Variants in FBLN1 observed in about 807,000 individuals in gnomAD.
The protein encoded by FBLN1 is fibulin 1, also known as fibulin-1.
Under a neutral mutation model 89.7 loss-of-function variants are expected in FBLN1, and 34 were observed. The observed-to-expected ratio is 0.38, with a 90% CI of 0.29 to 0.50. The LOEUF (loss-of-function observed/expected upper bound fraction) is 0.50, where lower values mean the gene tolerates loss of function less well. Ranked by LOEUF, FBLN1 falls within the 20% of genes least tolerant of loss-of-function variation. The pLI is 0.92. For missense variants in FBLN1, 777 were observed against 988.1 expected (o/e 0.79, Z 2.86); for synonymous variants, 393 against 391.3 (o/e 1.00, Z -0.05).
Position 45,533,174 on chromosome 22 carries a change from C to G in FBLN1, c.646+10C>G, listed in dbSNP as rs1225247040. 1.9e-6 allele frequency: 3 copies of G among 1,611,776 alleles called. No individual in the cohort carries two copies. On this transcript the variant is annotated intron_variant, in intron 6 of 16. Transcript: ENST00000327858. ...GGTGTCTCCTGTGAAGGTAATGTCC[C>G]TATCCCAGGTGCCAGCAGGACTGGC... is the stretch of plus-strand genomic sequence containing the variant.
chr22:45,567,721 G>GA (rs1352664496), intron 14 of FBLN1, among the ~76,000 whole-genome samples: 2 of 151,754 alleles, frequency 1.3e-5, no homozygotes, highest in Non-Finnish European at 1.5e-5. Context: ...AACTAGATAG[G>GA]AAAAAAAATG....
chr22:45,525,213 AAGAG>A (rs1280919638), intron 2 of FBLN1, among the ~76,000 whole-genome samples: 1 of 147,044 alleles, frequency 6.8e-6, no homozygotes, highest in Non-Finnish European at 1.5e-5. Context: ...GAAAGAAAGA[AAGAG>A]AGAAAAAGAA....
intron 1 of FBLN1, among the ~76,000 whole-genome samples, chr22:45,516,293 G>A (rs552942512): frequency 6.6e-6 from 1 of 151,648 alleles, no homozygotes; most frequent in South Asian, 2.1e-4. Context: ...AAGGGTGAAG[G>A]GGGTAGGGGG....
chr22:45,522,645 G>A (rs1049451656), intron 2 of FBLN1, among the ~76,000 whole-genome samples: 2 of 152,208 alleles, frequency 1.3e-5, no homozygotes, highest in Admixed American at 1.3e-4. Flanking sequence ...CAGCTTTGAT[G>A]TTTTCCCATC....
At chr22:45,570,541 C>A (rs1264227610) in intron 14 of FBLN1, among the ~76,000 whole-genome samples, 1 of 151,498 alleles carries the variant, frequency 6.6e-6, no homozygotes, top group Non-Finnish European at 1.5e-5. Flanking sequence ...TTGAAAAGAA[C>A]AACAAGTTTT....
Position 45,589,408 on chromosome 22 carries a change from G to A in FBLN1, c.1973-10899G>A, listed in dbSNP as rs372708883. On this transcript the variant is annotated intron_variant, in intron 16 of 16. Coordinates refer to ENST00000327858, the MANE Select transcript of FBLN1 (RefSeq NM_006486.3). Reference sequence around the variant, plus strand: ...TCTGCATCCTGACAACATGGAGCACGGTCCATAGCGTAGGTGTATCGTAAA... The same window carrying A: ...TCTGCATCCTGACAACATGGAGCACAGTCCATAGCGTAGGTGTATCGTAAA... Among the ~76,000 whole-genome samples, 4 of 152,258 alleles carry A rather than the reference G, an allele frequency of 2.6e-5. No homozygotes were observed. The East Asian group carries it at 5.8e-4, about 22-fold the overall frequency.
Position 45,575,513 on chromosome 22 carries a change from G to A in FBLN1, c.1840+860G>A, listed in dbSNP as rs2088989569. ...GGCCTTCAACCCCCAGGCTTTGGGG[G>A]AACCATCGGAAGGTTGCAGTGGAGG... On this transcript the variant is annotated intron_variant, in intron 15 of 16. Transcript: ENST00000327858. The surrounding 1 kb of genome is among the most constrained non-coding windows in gnomAD (Gnocchi z 6.3). 6.6e-6 allele frequency among the ~76,000 whole-genome samples: 1 copy of A among 152,150 alleles called. No homozygotes were observed. The highest frequency in any genetic ancestry group is 1.5e-5 in the Non-Finnish European group (1 of 68,016).
In FBLN1 at chr22:45,531,407, T is replaced by C. The variant is rs1321293241; in HGVS notation, c.544+83T>C. The stretch of plus-strand genomic sequence containing the variant: ...AGGTGGCTCAGGCCTGTAATCCTAG[T>C]ACTTTGGGAAGCCAAGGCAGGAGGA... On this transcript the variant is annotated intron_variant, in intron 5 of 16. Coordinates refer to ENST00000327858, the MANE Select transcript of FBLN1 (RefSeq NM_006486.3). This position sits in a 1 kb window ranked among gnomAD's most constrained non-coding sequence, Gnocchi z 4.9. 2.4e-6 allele frequency: 3 copies of C among 1,251,578 alleles called. No homozygotes were observed. The highest frequency in any genetic ancestry group is 2.3e-6 in the Non-Finnish European group (2 of 853,442). 77.5% of individuals were successfully genotyped at this position (1,251,578 alleles called of 1,614,324 possible). A position where few individuals can be genotyped will look rare whatever the true frequency, so the allele number is the denominator to read the frequency against.
chr22:45,555,041 A>T lies in FBLN1; in HGVS notation c.1697+4426A>T. ...GTCCCCGTCTCCACCGCAGGAGGTTAGGACCCGTCCCCGTCTCCACCGCAG... is the reference window on the plus strand; with the variant it reads ...GTCCCCGTCTCCACCGCAGGAGGTTTGGACCCGTCCCCGTCTCCACCGCAG... On this transcript the variant is annotated intron_variant, in intron 14 of 16. Transcript: ENST00000327858. 1.4e-5 allele frequency among the ~76,000 whole-genome samples: 2 copies of T among 140,764 alleles called. 1 individual carries two copies. The highest frequency in any genetic ancestry group is 6.1e-5 in the African/African-American group (2 of 32,980). The allele number at this position is 140,764 out of a possible 152,430, so 92.3% of individuals were successfully genotyped here.
intron 1 of FBLN1, among the ~76,000 whole-genome samples, chr22:45,510,896 A>G (rs912176795): frequency 6.6e-6 from 1 of 152,200 alleles, no homozygotes; most frequent in Non-Finnish European, 1.5e-5. Flanking sequence ...AGGCCTGTGA[A>G]CTGAGCCAGC....
intron 16 of FBLN1, among the ~76,000 whole-genome samples, chr22:45,596,605 C>CATATATCAACATAAGAATATGATTAT (rs1569270563): frequency 6.8e-6 from 1 of 148,000 alleles, no homozygotes; most frequent in Non-Finnish European, 1.5e-5. Context: ...AATATGATTA[C>CATATATCAACATAAGAATATGATTAT]TATATACATA....
At position 45,503,078 on chromosome 22, in the gene FBLN1, G is replaced by C. The variant is rs545228163; in HGVS notation, c.79+14G>C. 590 of 1,231,462 alleles carry C rather than the reference G, an allele frequency of 4.8e-4. 3 individuals are homozygous for C. The Middle Eastern group carries it at 7.5e-3, about 16-fold the overall frequency. The allele number at this position is 1,231,462 out of a possible 1,614,324, so 76.3% of individuals were successfully genotyped here. ...TGGCGGCCGGAGGTAGGGGCGTCCC[G>C]GGTCCGCCGCCCCAGCTTAGGGTCC... On this transcript the variant is annotated intron_variant, in intron 1 of 16. Transcript: ENST00000327858.
In FBLN1 at chr22:45,531,759, G is replaced by C. The variant is rs1371670853; in HGVS notation, c.544+435G>C. 6.6e-6 allele frequency among the ~76,000 whole-genome samples: 1 copy of C among 152,184 alleles called. No individual in the cohort carries two copies. The highest frequency in any genetic ancestry group is 2.4e-5 in the African/African-American group (1 of 41,436). ...GGTGGGCTTACCAAGGAGGGGCCCT[G>C]GTGAGGCCCTGCTGGGGAGGGTGGC... On this transcript the variant is annotated intron_variant, in intron 5 of 16. Coordinates refer to ENST00000327858, the MANE Select transcript of FBLN1 (RefSeq NM_006486.3). The surrounding 1 kb of genome is among the most constrained non-coding windows in gnomAD (Gnocchi z 4.9).
chr22:45,510,759 CTG>C (rs1352941071), intron 1 of FBLN1, among the ~76,000 whole-genome samples: 1 of 152,132 alleles, frequency 6.6e-6, no homozygotes, highest in Non-Finnish European at 1.5e-5. Context: ...GCCATGTGAC[CTG>C]TGTTTCTCTG....
At chr22:45,552,065 T>C (rs1242567452) in intron 14 of FBLN1, among the ~76,000 whole-genome samples, 1 of 152,220 alleles carries the variant, frequency 6.6e-6, no homozygotes, top group Non-Finnish European at 1.5e-5. Flanking sequence ...TGTGGAAGCC[T>C]CTGCCACCCC....
Position 45,525,656 on chromosome 22 carries a change from G to C in FBLN1, c.299G>C (p.Ser100Thr), listed in dbSNP as rs1240768486. The part of the protein sequence containing the change: ...RCATPHGDNA[S>T]LEATFVKRCC... ...GCCACGCCCCACGGTGACAACGCCAGCCTGGAGGCCACATTTGTGAAGGTG... is the reference window on the plus strand; with the variant it reads ...GCCACGCCCCACGGTGACAACGCCACCCTGGAGGCCACATTTGTGAAGGTG... The change falls in exon 3 of 17, where the codon AGC becomes ACC. Residue 100 changes from serine to threonine, a missense_variant. Transcript: ENST00000327858. 3.4e-5 allele frequency: 52 copies of C among 1,551,444 alleles called. No individual in the cohort carries two copies. The highest frequency in any genetic ancestry group is 4.4e-5 in the Non-Finnish European group (51 of 1,147,024).
chr22:45,548,397 G>A (rs1330568439), intron 12 of FBLN1, among the ~76,000 whole-genome samples: 1 of 152,076 alleles, frequency 6.6e-6, no homozygotes, highest in Non-Finnish European at 1.5e-5. Flanking sequence ...CCCCCTGCCC[G>A]CCACATGCAT....
chr22:45,547,044 C>T (rs200010110), intron 11 of FBLN1, 41 bp from the exon 12 acceptor site: 464 of 1,613,424 alleles, frequency 2.9e-4, no homozygotes, highest in Non-Finnish European at 3.7e-4. Context: ...GAGGCAGGGA[C>T]GTATGATGCT....
intron 7 of FBLN1, among the ~76,000 whole-genome samples, chr22:45,534,292 C>CAAAAGAAAAAAAA (rs2088452833): frequency 1.2e-5 from 1 of 83,208 alleles, no homozygotes. Flanking sequence ...GTACTTTCTA[C>CAAAAGAAAAAAAA]AAAAAAAAAA....
Sources: allele counts gnomAD v4.1 joint callset (sites outside exome capture counted in the v4.1 genomes callset), GRCh38; gene constraint gnomAD v4.1.1; non-coding constraint Gnocchi (gnomAD v3.1); transcripts MANE v1.5; gene names NCBI Gene and HGNC (gene_info 2026-07-23, HGNC 2026-07-21).